Variants in ZNF492 observed in about 807,000 individuals in gnomAD.
ZNF492 encodes zinc finger protein 115 (Y20).
A neutral mutation model predicts 6.4 loss-of-function variants in ZNF492; 3 were observed. That is an observed-to-expected ratio of 0.47 (90% confidence interval 0.21 to 1.22). ZNF492 has a LOEUF of 1.22. ZNF492 is among the 50% of genes most tolerant of loss of function. ZNF492 has a pLI of 0.22. For missense variants in ZNF492, 356 were observed against 612.5 expected (o/e 0.58, Z 4.42); for synonymous variants, 112 against 205.3 (o/e 0.55, Z 3.89).
intron 3 of ZNF492, among the ~76,000 whole-genome samples, chr19:22,662,918 T>G (rs1181919579): frequency 7.9e-5 from 12 of 152,226 alleles, no homozygotes; most frequent in Non-Finnish European, 1.5e-4. Flanking sequence ...TCTTTTGCCG[T>G]GCAGAAGCTC....
chr19:22,637,219 T>C (rs1305716995), intron 1 of ZNF492, among the ~76,000 whole-genome samples: 3 of 152,068 alleles, frequency 2.0e-5, no homozygotes, highest in Non-Finnish European at 4.4e-5. Flanking sequence ...CCTTGTGATC[T>C]GCCTGTCTTG....
chr19:22,649,636 T>C (rs1274547674), intron 1 of ZNF492, among the ~76,000 whole-genome samples: 3 of 152,152 alleles, frequency 2.0e-5, no homozygotes, highest in African/African-American at 7.2e-5. Context: ...TTGTTCATTC[T>C]TGTTCAGTCT....
intron 1 of ZNF492, among the ~76,000 whole-genome samples, chr19:22,645,740 G>T (rs1307302079): frequency 6.6e-6 from 1 of 152,124 alleles, no homozygotes; most frequent in Non-Finnish European, 1.5e-5. Flanking sequence ...TCTGCATATG[G>T]CTAGCCAGTT....
intron 3 of ZNF492, among the ~76,000 whole-genome samples, chr19:22,654,663 A>G (rs1971975984): frequency 6.8e-6 from 1 of 146,874 alleles, no homozygotes; most frequent in South Asian, 2.1e-4. Flanking sequence ...GTGCAGTGTC[A>G]TCATCTCGGC....
intron 1 of ZNF492, among the ~76,000 whole-genome samples, chr19:22,640,133 T>G (rs1241383400): frequency 2.0e-5 from 3 of 152,078 alleles, no homozygotes; most frequent in African/African-American, 7.3e-5. Context: ...GTTCTTATTA[T>G]GTGATGAATC....
At chr19:22,653,285 T>C (rs2145254361) in intron 1 of ZNF492, 22 bp from the exon 2 acceptor site, 1 of 1,609,692 alleles carries the variant, frequency 6.2e-7, no homozygotes, top group Non-Finnish European at 8.5e-7. Context: ...TAAATATGTA[T>C]GTGTGTTTGT....
chr19:22,659,591 CAGAGAG>C (rs71180579), intron 3 of ZNF492, among the ~76,000 whole-genome samples: 23 of 144,680 alleles, frequency 1.6e-4, no homozygotes, highest in African/African-American at 6.3e-4. Context: ...CACACACACA[CAGAGAG>C]AGAGAGAGAC....
intron 1 of ZNF492, among the ~76,000 whole-genome samples, chr19:22,647,518 C>T (rs142846621): frequency 0.079 from 11,998 of 151,248 alleles, 1,563 homozygotes; most frequent in African/African-American, 0.27. Context: ...CCAATCTCGG[C>T]CTCCCAAAGT....
chr19:22,659,561 T>TACACACACAC (rs569041771), intron 3 of ZNF492, among the ~76,000 whole-genome samples: 3,323 of 138,284 alleles, frequency 0.024, 66 homozygotes, highest in African/African-American at 0.055. Context: ...TAATGTGAGA[T>TACACACACAC]ACACACACAC....
chr19:22,643,814 T>C (rs1282754805), intron 1 of ZNF492, among the ~76,000 whole-genome samples: 1 of 152,070 alleles, frequency 6.6e-6, no homozygotes, highest in African/African-American at 2.4e-5. Flanking sequence ...CAGAATCAAG[T>C]ATAGGGGGTT....
At chr19:22,658,056 CT>C (rs1453543103) in intron 3 of ZNF492, among the ~76,000 whole-genome samples, 8 of 152,054 alleles carry the variant, frequency 5.3e-5, no homozygotes, top group Non-Finnish European at 8.8e-5. Flanking sequence ...TCTGGATCTT[CT>C]TCAGTTATTC....
chr19:22,661,935 T>C (rs1253920771), intron 3 of ZNF492, among the ~76,000 whole-genome samples: 1 of 152,180 alleles, frequency 6.6e-6, no homozygotes, highest in East Asian at 1.9e-4. Flanking sequence ...GTTTCCTGTC[T>C]GTAGTACCAC....
At chr19:22,642,119 C>T (rs1971832069) in intron 1 of ZNF492, among the ~76,000 whole-genome samples, 1 of 152,140 alleles carries the variant, frequency 6.6e-6, no homozygotes, top group Non-Finnish European at 1.5e-5. Flanking sequence ...ATTATAACAT[C>T]TTTCTCTCTT....
At chr19:22,634,920 A>G (rs923187428) in intron 1 of ZNF492, among the ~76,000 whole-genome samples, 17 of 152,354 alleles carry the variant, frequency 1.1e-4, no homozygotes, top group African/African-American at 4.1e-4. Context: ...AATTTAAGCA[A>G]GGAGTGGTTC....
At position 22,664,247 on chromosome 19, in the gene ZNF492, G is replaced by A; in HGVS notation, c.578G>A (p.Gly193Glu). The change falls in exon 4 of 4, where the codon GGA (glycine) becomes GAA (glutamate). Residue 193 changes from glycine (G) to glutamate (E), a missense_variant. This residue lies in a region of ZNF492 where 196 missense variants were observed against 219.4 expected (regional missense o/e 0.89). Transcript: ENST00000456783. ...NLSTHKRIHT[G>E]KKPYKCEECG... ...TCTACACATAAAAGAATTCATACTG[G>A]AAAGAAACCCTACAAATGCGAAGAG... 1 of 1,609,242 alleles carries A rather than the reference G, an allele frequency of 6.2e-7. No homozygotes were observed. Among genetic ancestry groups the A allele is most frequent in the Non-Finnish European group, 8.5e-7 (1 of 1,177,378 alleles).
intron 3 of ZNF492, among the ~76,000 whole-genome samples, chr19:22,656,363 C>T (rs1971996840): frequency 7.3e-5 from 11 of 151,374 alleles, no homozygotes; most frequent in Admixed American, 5.3e-4. Flanking sequence ...GTAGGGCAGA[C>T]GCTAGGGCAG....
intron 1 of ZNF492, among the ~76,000 whole-genome samples, chr19:22,645,261 G>T (rs759317945): frequency 1.3e-5 from 2 of 152,084 alleles, no homozygotes; most frequent in Admixed American, 6.5e-5. Flanking sequence ...TGGCCAGGCT[G>T]GTCTCGAACT....
At position 22,658,524 on chromosome 19, in the gene ZNF492, C is replaced by G. The variant is rs190280577; in HGVS notation, c.130+4509C>G. ...ACTACCAATTTTTCCCATTTCCTGG[C>G]ACTTTTCAAATACCGTTCTGTTTTC... On this transcript the variant is annotated intron_variant, in intron 3 of 3. Coordinates refer to ENST00000456783, the MANE Select transcript of ZNF492 (RefSeq NM_020855.3). Among the ~76,000 whole-genome samples the G allele has an allele frequency of 3.5e-5, 5 of 143,178 alleles. No individual in the cohort carries two copies. The East Asian group carries it at 1.0e-3, about 29-fold the overall frequency. 93.9% of individuals were successfully genotyped at this position (143,178 alleles called of 152,430 possible). A position where few individuals can be genotyped will look rare whatever the true frequency, so the allele number is the denominator to read the frequency against.
chr19:22,641,076 T>G (rs1971821319), intron 1 of ZNF492, among the ~76,000 whole-genome samples: 1 of 152,152 alleles, frequency 6.6e-6, no homozygotes, highest in African/African-American at 2.4e-5. Context: ...TTGTTGATCT[T>G]TTGTATAGTT....
Sources: allele counts gnomAD v4.1 joint callset (sites outside exome capture counted in the v4.1 genomes callset), GRCh38; gene constraint gnomAD v4.1.1; regional missense constraint gnomAD v4.1.1; transcripts MANE v1.5; gene names NCBI Gene and HGNC (gene_info 2026-07-23, HGNC 2026-07-21).